The following PDE3B variants were observed in gnomAD, a reference collection of about 807,000 sequenced individuals.
PDE3B encodes the protein phosphodiesterase 3B.
Under a neutral mutation model 116.8 loss-of-function variants are expected in PDE3B, and 66 were observed. That is an observed-to-expected ratio of 0.56 (90% CI 0.46 to 0.69). PDE3B has a LOEUF of 0.69. Ranked by LOEUF, PDE3B falls within the 30% of genes least tolerant of loss-of-function variation. The probability of loss-of-function intolerance (pLI) is 0.00; values close to 1 mark genes in which losing one functional copy is unlikely to be tolerated. For synonymous variants in PDE3B, 595 were observed against 533.6 expected, an observed-to-expected ratio of 1.12 and a Z score of -1.59; for missense variants, 1,384 against 1,368.1, an observed-to-expected ratio of 1.01 and a Z score of -0.18.
rs75856879 is a variant in PDE3B, at chr11:14,826,068, C to T, written c.1808-4630C>T. On this transcript the variant is annotated intron_variant, in intron 7 of 15. Transcript: ENST00000282096. ...GCAGAAATCAAGAAGTTTTTTAATA[C>T]GAATGAGAACAAAGATACAACCTAC... Among the ~76,000 whole-genome samples the T allele has an allele frequency of 9.7e-3, 1,482 of 152,164 alleles. 25 individuals carry two copies. Among genetic ancestry groups the T allele is most frequent in the African/African-American group, 0.034 (1,409 of 41,538 alleles).
chr11:14,772,569 C>T (rs775554261), intron 2 of PDE3B: 9 of 151,904 alleles, frequency 5.9e-5, no homozygotes, highest in Non-Finnish European at 1.2e-4. Context: ...CAATTCCAGT[C>T]ATTACCTATA....
chr11:14,769,218 T>C (rs1470005124), intron 1 of PDE3B, among the ~76,000 whole-genome samples: 1 of 151,384 alleles, frequency 6.6e-6, no homozygotes, highest in African/African-American at 2.4e-5. Flanking sequence ...AGGGAGATGG[T>C]CTGTAATATT....
chr11:14,781,547 C>T (rs1436249797), intron 2 of PDE3B, among the ~76,000 whole-genome samples: 1 of 152,112 alleles, frequency 6.6e-6, no homozygotes, highest in Non-Finnish European at 1.5e-5. Flanking sequence ...TAAAGAGAAC[C>T]AAAGACAAAA....
chr11:14,898,075 A>AC, the PDE3B span, among the ~76,000 whole-genome samples: 1 of 151,906 alleles, frequency 6.6e-6, no homozygotes, highest in African/African-American at 2.4e-5. Context: ...GGCTGGGTCT[A>AC]CCTGGGATAG....
At chr11:14,835,161 A>G in intron 11 of PDE3B, 66 bp downstream of exon 11, 1 of 982,572 alleles carries the variant, frequency 1.0e-6, no homozygotes, top group East Asian at 2.5e-5. Context: ...TTCTCATTTC[A>G]TTACCTCTGT....
At chr11:14,821,141 G>A (rs1187240920) in intron 7 of PDE3B, among the ~76,000 whole-genome samples, 4 of 152,170 alleles carry the variant, frequency 2.6e-5, no homozygotes, top group African/African-American at 9.7e-5. Context: ...TTTCCAAGAT[G>A]GGTTACTCAT....
chr11:14,896,163 T>C, the PDE3B span, among the ~76,000 whole-genome samples: 2 of 152,246 alleles, frequency 1.3e-5, no homozygotes, highest in African/African-American at 2.4e-5. Flanking sequence ...TGTCATGATA[T>C]CTTGTATTCC....
intron 1 of PDE3B, among the ~76,000 whole-genome samples, chr11:14,731,775 A>C (rs181041081): frequency 6.6e-6 from 1 of 152,282 alleles, no homozygotes; most frequent in East Asian, 1.9e-4. Flanking sequence ...TTTATTCAGA[A>C]AGTGCTTACT....
intron 3 of PDE3B, among the ~76,000 whole-genome samples, chr11:14,787,128 C>T (rs1193529623): frequency 6.6e-6 from 1 of 151,836 alleles, no homozygotes; most frequent in Non-Finnish European, 1.5e-5. Context: ...ACCCTGTTTT[C>T]CCCCTTTTAC....
chr11:14,750,473 T>C (rs1333094728), intron 1 of PDE3B, among the ~76,000 whole-genome samples: 1 of 152,122 alleles, frequency 6.6e-6, no homozygotes. Context: ...ATATCCACTA[T>C]AGTTGTTGCA....
At chr11:14,757,963 CTTGAA>C in intron 1 of PDE3B, among the ~76,000 whole-genome samples, 1 of 151,330 alleles carries the variant, frequency 6.6e-6, no homozygotes, top group Middle Eastern at 3.4e-3. Context: ...TTTAATCCAT[CTTGAA>C]TTGATTTTTG....
At chr11:14,723,377 G>A (rs1272182124) in intron 1 of PDE3B, among the ~76,000 whole-genome samples, 1 of 152,148 alleles carries the variant, frequency 6.6e-6, no homozygotes, top group African/African-American at 2.4e-5. Flanking sequence ...ACATTTTGAA[G>A]TACATAGACA....
At chr11:14,731,777 G>A (rs994445679) in intron 1 of PDE3B, among the ~76,000 whole-genome samples, 1 of 152,168 alleles carries the variant, frequency 6.6e-6, no homozygotes, top group Non-Finnish European at 1.5e-5. Flanking sequence ...TATTCAGAAA[G>A]TGCTTACTGA....
chr11:14,891,291 G>A, the PDE3B span: 2 of 985,292 alleles, frequency 2.0e-6, no homozygotes, highest in Admixed American at 6.1e-5. Context: ...AGTTGGCAGT[G>A]ACAGTGGCAC....
intron 2 of PDE3B, chr11:14,773,605 A>T (rs1455732747): frequency 6.6e-6 from 1 of 152,136 alleles, no homozygotes; most frequent in Non-Finnish European, 1.5e-5. Context: ...TCTCACCTTG[A>T]AGAATTATTT....
chr11:14,879,394 A>C, the PDE3B span: 1 of 1,608,490 alleles, frequency 6.2e-7, no homozygotes, highest in Non-Finnish European at 8.5e-7. Flanking sequence ...CGTCCCAAGA[A>C]GGCTTCCCAT....
chr11:14,832,126 C>T (rs2067428719), intron 9 of PDE3B, among the ~76,000 whole-genome samples: 1 of 152,050 alleles, frequency 6.6e-6, no homozygotes, highest in Admixed American at 6.6e-5. Context: ...CCTGCACTCC[C>T]TATACTTTAC....
At chr11:14,737,886 G>A (rs1455183206) in intron 1 of PDE3B, among the ~76,000 whole-genome samples, 3 of 151,008 alleles carry the variant, frequency 2.0e-5, no homozygotes, top group Non-Finnish European at 4.4e-5. Flanking sequence ...TTTTGTCCTT[G>A]GGGTAGTTTA....
At chr11:14,780,746 A>C (rs1310144989) in intron 2 of PDE3B, among the ~76,000 whole-genome samples, 1 of 152,204 alleles carries the variant, frequency 6.6e-6, no homozygotes, top group Non-Finnish European at 1.5e-5. Flanking sequence ...TAATATCACA[A>C]TTAAAAGAAC....
Sources: allele counts gnomAD v4.1 joint callset (sites outside exome capture counted in the v4.1 genomes callset), GRCh38; gene constraint gnomAD v4.1.1; transcripts MANE v1.5; gene names NCBI Gene and HGNC (gene_info 2026-07-23, HGNC 2026-07-21).